KALRN: variants seen among roughly 807,000 people sequenced by gnomAD.
KALRN encodes the protein kalirin RhoGEF kinase.
KALRN carries 70 observed loss-of-function variants against 353.7 expected under a neutral mutation model. The ratio of observed to expected loss-of-function variants is 0.20; its 90% CI spans 0.16 to 0.24. The LOEUF is 0.24. Ranked by LOEUF, KALRN falls within the 10% of genes least tolerant of loss-of-function variation. The probability of loss-of-function intolerance (pLI) is 1.00; values close to 1 mark genes in which losing one functional copy is unlikely to be tolerated. For synonymous variants in KALRN, 1,391 were observed against 1,434.8 expected, an observed-to-expected ratio of 0.97 and a Z score of 0.69; for missense variants, 2,791 against 3,756.7, an observed-to-expected ratio of 0.74 and a Z score of 6.72.
At chr3:124,137,979 C>A (rs1186281814) in intron 1 of KALRN, among the ~76,000 whole-genome samples, 1 of 152,140 alleles carries the variant, frequency 6.6e-6, no homozygotes, top group Admixed American at 6.5e-5. Flanking sequence ...GTATAGAGAA[C>A]AAGGGAGGTC....
intron 5 of KALRN, among the ~76,000 whole-genome samples, chr3:124,284,559 G>A (rs755104379): frequency 1.1e-4 from 16 of 152,028 alleles, no homozygotes; most frequent in Non-Finnish European, 1.6e-4. Context: ...CACAGTATAC[G>A]TCTCTTATAG....
chr3:124,252,434 G>A lies in KALRN; in HGVS notation c.264-12064G>A, dbSNP rs574075201. On this transcript the variant is annotated intron_variant, in intron 3 of 59. Transcript: ENST00000682506. ...GTTTCCTCAAGATCAAGTGTTCTAC[G>A]CATCTATGAGGCAAGATAGCATGGC... is the stretch of plus-strand genomic sequence containing the variant. Among the ~76,000 whole-genome samples, 7 of 152,306 alleles carry A rather than the reference G, an allele frequency of 4.6e-5. No homozygotes were observed. In the South Asian group the frequency reaches 6.2e-4, roughly 14 times the overall value.
At chr3:124,666,772 C>T (rs2289425) in intron 46 of KALRN, 138 bp downstream of exon 46, 21,540 of 765,190 alleles carry the variant, frequency 0.028, 476 homozygotes, top group East Asian at 0.094. Flanking sequence ...GTCATGGAGG[C>T]TGCACGACAG....
chr3:124,287,762 C>T (rs2076042362), intron 5 of KALRN, among the ~76,000 whole-genome samples: 1 of 80,600 alleles, frequency 1.2e-5, no homozygotes, highest in Admixed American at 1.6e-4. Context: ...AATGGTAGGG[C>T]CTAGGAAGAT....
chr3:124,408,548 CCT>C (rs2091829165), intron 13 of KALRN, among the ~76,000 whole-genome samples: 2 of 152,198 alleles, frequency 1.3e-5, no homozygotes, highest in Admixed American at 6.5e-5. Flanking sequence ...TAACACATTG[CCT>C]GCCCCATAAT....
At chr3:124,059,553 C>T (rs2041835270) in intron 1 of KALRN, among the ~76,000 whole-genome samples, 1 of 152,198 alleles carries the variant, frequency 6.6e-6, no homozygotes, top group Admixed American at 6.5e-5. Context: ...ATTTCCTTCT[C>T]AATCTCCCCA....
intron 51 of KALRN, among the ~76,000 whole-genome samples, chr3:124,682,585 T>C (rs1370852314): frequency 1.3e-5 from 2 of 151,682 alleles, no homozygotes; most frequent in Non-Finnish European, 2.9e-5. Context: ...AAACATTCTT[T>C]ACTTTTTCTC....
chr3:124,492,361 C>A (rs998838304), intron 31 of KALRN, among the ~76,000 whole-genome samples: 9 of 152,210 alleles, frequency 5.9e-5, no homozygotes, highest in African/African-American at 2.2e-4. Flanking sequence ...GTAGATGCTG[C>A]CCCTCCCAGT....
At chr3:124,455,832 C>T (rs1474431678) in intron 22 of KALRN, among the ~76,000 whole-genome samples, 1 of 152,110 alleles carries the variant, frequency 6.6e-6, no homozygotes, top group East Asian at 1.9e-4. Context: ...TGCCATGAAC[C>T]AGGGAAGATG....
At chr3:124,153,058 C>G (rs1241766564) in intron 1 of KALRN, 9 of 184,666 alleles carry the variant, frequency 4.9e-5, no homozygotes, top group Non-Finnish European at 6.8e-5. Context: ...GAACCTTCTT[C>G]TTTTTTTAAT....
At position 124,255,868 on chromosome 3, in the gene KALRN, A is replaced by G. The variant is rs138368718; in HGVS notation, c.264-8630A>G. ...GGTTGGCGTGGGCAAGCACAAAGGC[A>G]TAGAGGCATGAGAGGGCAAACTGAA... On this transcript the variant is annotated intron_variant, in intron 3 of 59. Transcript: ENST00000682506. 6.7e-4 allele frequency among the ~76,000 whole-genome samples: 102 copies of G among 152,356 alleles called. No homozygotes were observed. The East Asian group carries it at 0.018, about 28-fold the overall frequency.
At chr3:124,534,574 T>C (rs904420500) in intron 33 of KALRN, among the ~76,000 whole-genome samples, 1 of 152,022 alleles carries the variant, frequency 6.6e-6, no homozygotes, top group African/African-American at 2.4e-5. Flanking sequence ...CTAAGCTACA[T>C]ATGAAGGAAA....
At chr3:124,701,478 C>G (rs1170313379) in intron 56 of KALRN, among the ~76,000 whole-genome samples, 1 of 150,262 alleles carries the variant, frequency 6.7e-6, no homozygotes. Flanking sequence ...GCCTCGACCT[C>G]CTGAGCTCAA....
intron 1 of KALRN, among the ~76,000 whole-genome samples, chr3:124,053,212 T>G (rs2041208721): frequency 6.6e-6 from 1 of 152,158 alleles, no homozygotes; most frequent in African/African-American, 2.4e-5. Flanking sequence ...GGATTTTATT[T>G]TGTAAGCACT....
chr3:124,192,318 A>G (rs1332446758), intron 1 of KALRN, among the ~76,000 whole-genome samples: 1 of 152,166 alleles, frequency 6.6e-6, no homozygotes, highest in Non-Finnish European at 1.5e-5. Context: ...GGGATCTAAA[A>G]ATCAAAACAA....
At chr3:124,603,269 C>T (rs2076995905) in intron 34 of KALRN, among the ~76,000 whole-genome samples, 1 of 152,194 alleles carries the variant, frequency 6.6e-6, no homozygotes, top group Non-Finnish European at 1.5e-5. Context: ...ATAGTATTGA[C>T]TCTCCGGAGG....
chr3:124,148,855 A>T (rs2067711657), intron 1 of KALRN, among the ~76,000 whole-genome samples: 3 of 152,230 alleles, frequency 2.0e-5, no homozygotes, highest in Non-Finnish European at 4.4e-5. Context: ...AGCAAGGAAG[A>T]TAGAAACTAT....
At chr3:124,281,488 CTGTGCTTTGCACATTCCCACCTTTTCA>C (rs951857880) in intron 5 of KALRN, among the ~76,000 whole-genome samples, 2 of 152,230 alleles carry the variant, frequency 1.3e-5, no homozygotes, top group African/African-American at 2.4e-5. Context: ...GCATTCTCTT[CTGTGCTTTGCACATTCCCACCTTTTCA>C]TGCCTTTGTT....
intron 1 of KALRN, chr3:124,133,091 G>A: frequency 6.6e-6 from 1 of 152,670 alleles, no homozygotes; most frequent in Middle Eastern, 1.6e-3. Context: ...CTGTGGATCT[G>A]CATTCTGGGA....
Sources: allele counts gnomAD v4.1 joint callset (sites outside exome capture counted in the v4.1 genomes callset), GRCh38; gene constraint gnomAD v4.1.1; transcripts MANE v1.5; gene names NCBI Gene and HGNC (gene_info 2026-07-23, HGNC 2026-07-21).